CAPN2: variants seen among roughly 807,000 people sequenced by gnomAD.
CAPN2 encodes calpain 2, also known as calpain-2 catalytic subunit.
CAPN2 carries 92 observed loss-of-function variants against 102.3 expected under a neutral mutation model. The observed-to-expected ratio is 0.90, with a 90% confidence interval of 0.76 to 1.07. The LOEUF (loss-of-function observed/expected upper bound fraction) is 1.07. Ranked by LOEUF, CAPN2 falls within the 50% of genes least tolerant of loss-of-function variation. CAPN2 has a pLI of 0.00. For synonymous variants in CAPN2, 340 were observed against 355.4 expected, an observed-to-expected ratio of 0.96 and a Z score of 0.49; for missense variants, 800 against 909.4, an observed-to-expected ratio of 0.88 and a Z score of 1.55.
intron 14 of CAPN2, among the ~76,000 whole-genome samples, chr1:223,762,470 C>T (rs1661214378): frequency 6.6e-6 from 1 of 152,164 alleles, no homozygotes; most frequent in Non-Finnish European, 1.5e-5. Context: ...CATGGTCAGC[C>T]CTGACTCTGT....
intron 16 of CAPN2, 77 bp downstream of exon 16, chr1:223,766,508 C>T (rs1661336072): frequency 1.7e-6 from 2 of 1,148,150 alleles, no homozygotes; most frequent in Non-Finnish European, 2.6e-6. Context: ...AAACACATGG[C>T]CTTCTCCCTT....
intron 2 of CAPN2, among the ~76,000 whole-genome samples, chr1:223,738,563 C>T (rs1355355159): frequency 2.0e-5 from 3 of 152,142 alleles, no homozygotes; most frequent in Non-Finnish European, 2.9e-5. Flanking sequence ...CAGTCAAGAA[C>T]GCAGGCCAGT....
chr1:223,750,832 C>A, intron 6 of CAPN2, 58 bp from the exon 7 acceptor site: 1 of 1,501,322 alleles, frequency 6.7e-7, no homozygotes, highest in Non-Finnish European at 9.1e-7. Context: ...AGGCCCAAGC[C>A]TTCATAGCCC....
chr1:223,711,642 G>A (rs1659729811), upstream of CAPN2, among the ~76,000 whole-genome samples: 1 of 152,100 alleles, frequency 6.6e-6, no homozygotes, highest in Admixed American at 6.5e-5. Context: ...ATGGAGTTTC[G>A]CTTTGTCACC....
chr1:223,746,500 A>AC (rs1660754276), intron 4 of CAPN2, among the ~76,000 whole-genome samples: 1 of 88,796 alleles, frequency 1.1e-5, no homozygotes, highest in Non-Finnish European at 1.8e-5. Flanking sequence ...TTTTTTTAAT[A>AC]CGGAGCCTCA....
chr1:223,773,519 C>A (rs1261033382), intron 20 of CAPN2, among the ~76,000 whole-genome samples: 1 of 152,164 alleles, frequency 6.6e-6, no homozygotes, highest in African/African-American at 2.4e-5. Flanking sequence ...CATGGAGAAA[C>A]CCCATCTCTA....
chr1:223,752,418 C>G (rs1660926433), intron 8 of CAPN2, among the ~76,000 whole-genome samples: 2 of 152,218 alleles, frequency 1.3e-5, no homozygotes, highest in African/African-American at 2.4e-5. Context: ...AGAAACTGGT[C>G]CCTTAGTGAG....
rs1660979954 is a variant in CAPN2, at chr1:223,754,479, T to C, written c.1136-1001T>C. On this transcript the variant is annotated intron_variant, in intron 9 of 20. Transcript: ENST00000295006. The surrounding 1 kb of genome is among the most constrained non-coding windows in gnomAD (Gnocchi z 4.7). ...TATTGCTATAACCCAAAGGCAGCCATACTTAAGCGAATGGCCGTGGCTACG... is the reference window on the plus strand; with the variant it reads ...TATTGCTATAACCCAAAGGCAGCCACACTTAAGCGAATGGCCGTGGCTACG... Among the ~76,000 whole-genome samples, 1 of 152,220 alleles carries C rather than the reference T, an allele frequency of 6.6e-6. No homozygotes were observed. The highest frequency in any genetic ancestry group is 6.5e-5 in the Admixed American group (1 of 15,284).
rs1289164743 is a variant in CAPN2 at position 223,712,605 on chromosome 1, C to T, written c.-36C>T. 1.3e-5 allele frequency: 20 copies of T among 1,485,700 alleles called. No individual in the cohort carries two copies. The highest frequency in any genetic ancestry group is 1.7e-5 in the Non-Finnish European group (19 of 1,117,532). 92.0% of individuals were successfully genotyped at this position (1,485,700 alleles called of 1,614,324 possible). A position where few individuals can be genotyped will look rare whatever the true frequency, so the allele number is the denominator to read the frequency against. On this transcript the variant is annotated 5_prime_UTR_variant, in exon 1 of 21. Transcript: ENST00000295006. ...CGAGCGCAGCGCGGAGTCGCCCCGA[C>T]CTTTCTCTGCGCAGTACGGCCGCCG...
chr1:223,761,212 G>T (rs772782936), intron 12 of CAPN2, among the ~76,000 whole-genome samples: 1 of 152,232 alleles, frequency 6.6e-6, no homozygotes, highest in Non-Finnish European at 1.5e-5. Flanking sequence ...TACACGCGAA[G>T]GCTATCCTAT....
chr1:223,771,926 G>T lies in CAPN2; in HGVS notation c.2020+1G>T, dbSNP rs978846056. On this transcript the variant is annotated splice_donor_variant, in intron 19 of 20. Transcript: ENST00000295006. LOFTEE classifies it high-confidence loss of function. ...TTGGTTCGGCTGGAAACGCTATTCA[G>T]TAAGTGGATATTTGGGGAATGACTC... 2 of 1,594,796 alleles carry T rather than the reference G, an allele frequency of 1.3e-6. No individual in the cohort carries two copies. The highest frequency in any genetic ancestry group is 1.7e-6 in the Non-Finnish European group (2 of 1,162,424).
intron 2 of CAPN2, among the ~76,000 whole-genome samples, chr1:223,736,211 A>C (rs1253690482): frequency 6.6e-6 from 1 of 152,186 alleles, no homozygotes; most frequent in South Asian, 2.1e-4. Flanking sequence ...AAAGGGCAGC[A>C]CACAGCCCTG....
At chr1:223,770,204 T>TAAG (rs1661437062) in intron 17 of CAPN2, 2 of 581,386 alleles carry the variant, frequency 3.4e-6, no homozygotes, top group Admixed American at 6.1e-5. Context: ...AAAAATTATA[T>TAAG]AAGACAAGAA....
At chr1:223,720,315 C>CTTTTTTTTTTTTTTTT (rs35138708) in intron 2 of CAPN2, among the ~76,000 whole-genome samples, 1 of 107,492 alleles carries the variant, frequency 9.3e-6, no homozygotes. Context: ...CTCTTTCTCT[C>CTTTTTTTTTTTTTTTT]TTTTTTTTTT....
chr1:223,761,658 CA>C, intron 13 of CAPN2, 41 bp downstream of exon 13: 2 of 1,555,874 alleles, frequency 1.3e-6, no homozygotes, highest in Non-Finnish European at 1.8e-6. Context: ...CTGTCCTGGA[CA>C]ATCCAGAGAG....
chr1:223,730,474 T>C (rs1660311705), intron 2 of CAPN2, among the ~76,000 whole-genome samples: 1 of 152,192 alleles, frequency 6.6e-6, no homozygotes, highest in African/African-American at 2.4e-5. Flanking sequence ...ATGTAGATTT[T>C]CCCACAAGAG....
At position 223,770,533 on chromosome 1, in the gene CAPN2, T is replaced by A. The variant is rs1661446897; in HGVS notation, c.1903+8T>A. 1 of 1,593,122 alleles carries A rather than the reference T, an allele frequency of 6.3e-7. No homozygotes were observed. Among genetic ancestry groups the A allele is most frequent in the African/African-American group, 1.3e-5 (1 of 74,588 alleles). ...AGGCATTAGAAGAAGCAGGTAACCC[T>A]TTATAACTGCATTTTCGTTCCTAGT... On this transcript the variant is annotated splice_region_variant and intron_variant, in intron 18 of 20. Transcript: ENST00000295006.
chr1:223,710,498 T>C (rs1360267550), upstream of CAPN2, among the ~76,000 whole-genome samples: 1 of 152,038 alleles, frequency 6.6e-6, no homozygotes, highest in Non-Finnish European at 1.5e-5. Context: ...GGTTCCTCCT[T>C]AGCCGAGGCT....
At chr1:223,763,302 A>AG (rs1661234345) in intron 14 of CAPN2, among the ~76,000 whole-genome samples, 1 of 151,942 alleles carries the variant, frequency 6.6e-6, no homozygotes, top group African/African-American at 2.4e-5. Context: ...GACCCATCAA[A>AG]GTACTAAGCC....
Sources: allele counts gnomAD v4.1 joint callset (sites outside exome capture counted in the v4.1 genomes callset), GRCh38; gene constraint gnomAD v4.1.1; non-coding constraint Gnocchi (gnomAD v3.1); transcripts MANE v1.5; gene names NCBI Gene and HGNC (gene_info 2026-07-23, HGNC 2026-07-21).